SCAPER: variants seen among roughly 807,000 people sequenced by gnomAD.
SCAPER encodes the protein S phase cyclin A-associated protein in the endoplasmic reticulum.
A neutral mutation model predicts 182.2 loss-of-function variants in SCAPER; 98 were observed. That is an observed-to-expected ratio of 0.54 (90% CI 0.46 to 0.64). SCAPER has a LOEUF of 0.64. Among genes scored for constraint, SCAPER ranks in the 30% least tolerant of loss-of-function variants. The probability of loss-of-function intolerance (pLI) is 0.00; values close to 1 mark genes in which losing one functional copy is unlikely to be tolerated. For missense variants in SCAPER, 1,432 were observed against 1,690.0 expected, an observed-to-expected ratio of 0.85 and a Z score of 2.68; for synonymous variants, 605 against 564.6, an observed-to-expected ratio of 1.07 and a Z score of -1.01.
intron 24 of SCAPER, among the ~76,000 whole-genome samples, chr15:76,497,109 C>CTTTT (rs57202860): frequency 0.029 from 2,494 of 86,724 alleles, 85 homozygotes; most frequent in Middle Eastern, 0.096. Context: ...TTGGTCTCCT[C>CTTTT]TTTTTTTTTT....
rs1336209489 is a variant in SCAPER at position 76,604,103 on chromosome 15, C to T, written c.2711+17661G>A. Among the ~76,000 whole-genome samples the T allele has an allele frequency of 5.8e-5, 7 of 119,968 alleles. No homozygotes were observed. The Admixed American group carries it at 6.7e-4, about 11-fold the overall frequency. 78.7% of individuals were successfully genotyped at this position (119,968 alleles called of 152,430 possible). On this transcript the variant is annotated intron_variant, in intron 22 of 31. Coordinates refer to ENST00000563290, the MANE Select transcript of SCAPER (RefSeq NM_020843.4). ...TTTAGACATGAAGTCCTTGCCCATG[C>T]CTATGTCCTGAATGGTATTGCCTAG...
intron 21 of SCAPER, among the ~76,000 whole-genome samples, chr15:76,637,722 TTATATATA>T (rs369760680): frequency 1.4e-4 from 11 of 77,868 alleles, no homozygotes; most frequent in African/African-American, 4.8e-4. Context: ...ATATATGTGA[TTATATATA>T]TATATATATA....
chr15:76,388,735 C>A (rs1255741854), intron 27 of SCAPER, among the ~76,000 whole-genome samples: 1 of 151,862 alleles, frequency 6.6e-6, no homozygotes, highest in Non-Finnish European at 1.5e-5. Context: ...CTGAGGTGGG[C>A]GGATCATGAG....
intron 23 of SCAPER, among the ~76,000 whole-genome samples, chr15:76,507,051 G>C (rs1701235027): frequency 1.3e-5 from 2 of 152,120 alleles, no homozygotes; most frequent in African/African-American, 4.8e-5. Flanking sequence ...AACTTATTGT[G>C]ACTTGAATTG....
At chr15:76,423,738 T>C (rs1461448419) in intron 26 of SCAPER, among the ~76,000 whole-genome samples, 6 of 152,148 alleles carry the variant, frequency 3.9e-5, no homozygotes, top group Admixed American at 2.6e-4. Flanking sequence ...ATCTTTCCTG[T>C]TTTCTCTTGT....
rs1226136737 is a variant in SCAPER, at chr15:76,492,060, AGT to A, written c.2954+12797_2954+12798del. On this transcript the variant is annotated intron_variant, in intron 24 of 31. Coordinates refer to ENST00000563290, the MANE Select transcript of SCAPER (RefSeq NM_020843.4). The stretch of plus-strand genomic sequence containing the variant: ...GGCATCTTTGTATCTTATTTGGTGA[AGT>A]GTCTATTCAAATCTTGTGCACATTT... Among the ~76,000 whole-genome samples the A allele has an allele frequency of 1.2e-4, 19 of 152,266 alleles. 1 individual carries two copies. The highest frequency in any genetic ancestry group is 4.1e-4 in the African/African-American group (17 of 41,548).
intron 8 of SCAPER, chr15:76,793,540 C>G: frequency 2.7e-6 from 1 of 372,700 alleles, no homozygotes; most frequent in Non-Finnish European, 4.8e-6. Context: ...TCTATAAAAA[C>G]CTTTTTTAAA....
chr15:76,541,304 G>T (rs972948584), intron 23 of SCAPER, among the ~76,000 whole-genome samples: 4 of 152,088 alleles, frequency 2.6e-5, no homozygotes, highest in African/African-American at 9.7e-5. Context: ...GAAATAAGCT[G>T]CTCTAATCAA....
At chr15:76,376,431 TA>T in intron 28 of SCAPER, 120 bp from the exon 29 acceptor site, 2 of 1,060,118 alleles carry the variant, frequency 1.9e-6, no homozygotes, top group East Asian at 5.2e-5. Flanking sequence ...ATGACATTTC[TA>T]CAGTACTATG....
At chr15:76,558,120 A>G (rs2046326098) in intron 23 of SCAPER, among the ~76,000 whole-genome samples, 1 of 152,250 alleles carries the variant, frequency 6.6e-6, no homozygotes, top group Non-Finnish European at 1.5e-5. Context: ...TCACAAAATC[A>G]GCTGCAACAA....
chr15:76,352,276 A>G (rs981199968), intron 30 of SCAPER, among the ~76,000 whole-genome samples: 1 of 134,336 alleles, frequency 7.4e-6, no homozygotes, highest in Non-Finnish European at 1.6e-5. Context: ...TATTTGTTTT[A>G]CTAATTTTTT....
chr15:76,757,716 T>A (rs996611706), intron 14 of SCAPER, among the ~76,000 whole-genome samples: 3 of 152,166 alleles, frequency 2.0e-5, no homozygotes, highest in African/African-American at 7.2e-5. Flanking sequence ...CTAATTTACA[T>A]TCCTACCAAC....
intron 13 of SCAPER, 117 bp downstream of exon 13, chr15:76,765,220 C>G: frequency 9.8e-7 from 1 of 1,023,594 alleles, no homozygotes; most frequent in South Asian, 1.7e-5. Flanking sequence ...TTCAATGGAT[C>G]TGAAACTGTC....
At chr15:76,568,949 C>CTTGT (rs1293755115) in intron 23 of SCAPER, among the ~76,000 whole-genome samples, 2 of 151,830 alleles carry the variant, frequency 1.3e-5, no homozygotes, top group Admixed American at 6.6e-5. Flanking sequence ...GTTAATCTAA[C>CTTGT]TTATTTGTGC....
chr15:76,689,782 A>T (rs1192732109), intron 20 of SCAPER, among the ~76,000 whole-genome samples: 1 of 152,068 alleles, frequency 6.6e-6, no homozygotes, highest in Non-Finnish European at 1.5e-5. Context: ...ACAAGATTAT[A>T]AAATGCCAGT....
At chr15:76,760,089 G>A (rs1236378996) in intron 14 of SCAPER, among the ~76,000 whole-genome samples, 1 of 152,016 alleles carries the variant, frequency 6.6e-6, no homozygotes, top group Non-Finnish European at 1.5e-5. Context: ...TTCTCACACT[G>A]ACCACTTCTC....
chr15:76,544,387 C>T (rs965702940), intron 23 of SCAPER, among the ~76,000 whole-genome samples: 14 of 151,984 alleles, frequency 9.2e-5, no homozygotes, highest in Non-Finnish European at 1.9e-4. Flanking sequence ...TTATTAACAG[C>T]CAAAAGCAGA....
At chr15:76,608,151 T>C (rs759223119) in intron 22 of SCAPER, among the ~76,000 whole-genome samples, 2 of 152,208 alleles carry the variant, frequency 1.3e-5, no homozygotes, top group Admixed American at 6.5e-5. Flanking sequence ...TGTGGTTTTA[T>C]CTACCTTTGG....
intron 10 of SCAPER, among the ~76,000 whole-genome samples, chr15:76,769,175 G>A (rs2063294177): frequency 1.3e-5 from 2 of 152,094 alleles, no homozygotes. Flanking sequence ...CAGGCGTGGT[G>A]GCTCACACCT....
Sources: allele counts gnomAD v4.1 joint callset (sites outside exome capture counted in the v4.1 genomes callset), GRCh38; gene constraint gnomAD v4.1.1; transcripts MANE v1.5; gene names NCBI Gene and HGNC (gene_info 2026-07-23, HGNC 2026-07-21).